The following TANC2 variants were observed in gnomAD, a reference collection of about 807,000 sequenced individuals.
TANC2 encodes the protein tetratricopeptide repeat, ankyrin repeat and coiled-coil containing 2.
TANC2 carries 26 observed loss-of-function variants against 210.5 expected under a neutral mutation model. The observed-to-expected ratio is 0.12, with a 90% confidence interval of 0.09 to 0.17. The LOEUF is 0.17. TANC2 is among the 10% of genes least tolerant of loss of function. The pLI is 1.00. For missense variants in TANC2, 2,129 were observed against 2,608.9 expected, an observed-to-expected ratio of 0.82 and a Z score of 4.01; for synonymous variants, 931 against 967.1, an observed-to-expected ratio of 0.96 and a Z score of 0.69.
chr17:63,372,504 C>G (rs2047299668), intron 14 of TANC2, among the ~76,000 whole-genome samples: 1 of 152,054 alleles, frequency 6.6e-6, no homozygotes, highest in African/African-American at 2.4e-5. Context: ...ACTGGTCATT[C>G]CTTTAGTTTA....
intron 17 of TANC2, among the ~76,000 whole-genome samples, chr17:63,394,275 C>A (rs1331625137): frequency 6.6e-6 from 1 of 152,110 alleles, no homozygotes; most frequent in South Asian, 2.1e-4. Flanking sequence ...CATTATTATT[C>A]ATTTTCATTG....
At chr17:63,309,564 A>T (rs1171267139) in intron 9 of TANC2, among the ~76,000 whole-genome samples, 1 of 152,194 alleles carries the variant, frequency 6.6e-6, no homozygotes, top group Non-Finnish European at 1.5e-5. Flanking sequence ...ATCTGCTAAG[A>T]TGAAATAATT....
At chr17:63,003,809 A>G (rs918157798) in intron 1 of TANC2, among the ~76,000 whole-genome samples, 1 of 152,046 alleles carries the variant, frequency 6.6e-6, no homozygotes, top group African/African-American at 2.4e-5. Flanking sequence ...CTCCAAATAT[A>G]TGTTTTTTTA....
chr17:63,107,952 A>G (rs1167960499), intron 4 of TANC2, among the ~76,000 whole-genome samples: 1 of 151,766 alleles, frequency 6.6e-6, no homozygotes, highest in Non-Finnish European at 1.5e-5. Context: ...TTGTACTTAT[A>G]TCTCAATAAG....
intron 7 of TANC2, among the ~76,000 whole-genome samples, chr17:63,202,439 A>G (rs1198301610): frequency 6.6e-6 from 1 of 152,164 alleles, no homozygotes; most frequent in African/African-American, 2.4e-5. Flanking sequence ...TGTAGAATAA[A>G]GAAGAGGAAA....
chr17:63,045,333 C>G (rs1206565692), intron 2 of TANC2, among the ~76,000 whole-genome samples: 1 of 152,180 alleles, frequency 6.6e-6, no homozygotes, highest in Non-Finnish European at 1.5e-5. Context: ...CAGGTATCTT[C>G]TGTCAGTCTG....
intron 7 of TANC2, among the ~76,000 whole-genome samples, chr17:63,207,840 C>T (rs909005123): frequency 6.6e-6 from 1 of 152,186 alleles, no homozygotes; most frequent in Non-Finnish European, 1.5e-5. Flanking sequence ...TATACTGCCA[C>T]TAGCAATATA....
At chr17:63,370,708 G>A (rs991690931) in intron 14 of TANC2, among the ~76,000 whole-genome samples, 3 of 152,196 alleles carry the variant, frequency 2.0e-5, no homozygotes, top group Non-Finnish European at 4.4e-5. Flanking sequence ...CAGAGACGCA[G>A]GCCAATGGGG....
rs376323478 is a variant in TANC2, at chr17:63,355,400, A to G, written c.2582+10A>G. 3.0e-5 allele frequency: 46 copies of G among 1,543,760 alleles called. No homozygotes were observed. The highest frequency in any genetic ancestry group is 3.7e-5 in the Non-Finnish European group (43 of 1,153,182). ...TTCTCTGTGATCCGAGGTAAGACATATATCTGTGATAAACAATTCTGAGTC... is the reference window on the plus strand; with the variant it reads ...TTCTCTGTGATCCGAGGTAAGACATGTATCTGTGATAAACAATTCTGAGTC... On this transcript the variant is annotated intron_variant, in intron 14 of 27. Transcript: ENST00000689528.
chr17:63,035,357 T>G (rs1200539356), intron 2 of TANC2, among the ~76,000 whole-genome samples: 1 of 152,238 alleles, frequency 6.6e-6, no homozygotes. Flanking sequence ...TTGTCTGCAC[T>G]GGGCAAACAA....
chr17:63,151,438 C>G (rs1029949017), intron 5 of TANC2, 58 bp downstream of exon 5: 3 of 843,532 alleles, frequency 3.6e-6, no homozygotes, highest in Middle Eastern at 6.0e-4. Flanking sequence ...CAGGCCCATC[C>G]AGCAGAGCAG....
chr17:63,249,982 G>A (rs545922184), intron 8 of TANC2, among the ~76,000 whole-genome samples: 1 of 152,188 alleles, frequency 6.6e-6, no homozygotes, highest in South Asian at 2.1e-4. Flanking sequence ...GATTTCTTCT[G>A]CCCACTTGTA....
chr17:63,330,444 TA>T (rs897776325), intron 11 of TANC2, among the ~76,000 whole-genome samples: 33 of 150,964 alleles, frequency 2.2e-4, no homozygotes, highest in East Asian at 5.8e-4. Context: ...GACTTTATTT[TA>T]AAAAAAAAAT....
At chr17:63,228,962 T>C (rs548500833) in intron 7 of TANC2, among the ~76,000 whole-genome samples, 1 of 152,328 alleles carries the variant, frequency 6.6e-6, no homozygotes, top group East Asian at 1.9e-4. Flanking sequence ...CTTCCAATAC[T>C]ATGTTGAATA....
chr17:63,353,210 G>C (rs939675487), intron 13 of TANC2, among the ~76,000 whole-genome samples: 2 of 152,164 alleles, frequency 1.3e-5, no homozygotes, highest in African/African-American at 4.8e-5. Context: ...ATGTGAAATG[G>C]TCATATTTCG....
At chr17:63,399,021 A>C (rs2147233528) in intron 19 of TANC2, 107 bp downstream of exon 19, 1 of 758,896 alleles carries the variant, frequency 1.3e-6, no homozygotes. Context: ...CTTCTGTCTC[A>C]GGCTTTTGTA....
At chr17:63,164,475 A>G (rs947681899) in intron 5 of TANC2, among the ~76,000 whole-genome samples, 3 of 152,216 alleles carry the variant, frequency 2.0e-5, no homozygotes, top group African/African-American at 7.2e-5. Flanking sequence ...TAAGTTTTAA[A>G]TGAAGCAGTG....
At chr17:63,145,985 A>G (rs746996772) in intron 4 of TANC2, among the ~76,000 whole-genome samples, 4 of 152,166 alleles carry the variant, frequency 2.6e-5, no homozygotes, top group Non-Finnish European at 4.4e-5. Context: ...CATTGAATCT[A>G]TAGATCACTT....
At chr17:63,406,018 C>A in intron 20 of TANC2, 136 bp from the exon 21 acceptor site, 2 of 1,110,046 alleles carry the variant, frequency 1.8e-6, no homozygotes, top group Non-Finnish European at 2.6e-6. Flanking sequence ...TATACAGGTA[C>A]TTATGGGGGA....
Sources: gnomAD v4.1 joint callset for allele counts (sites outside exome capture counted in the v4.1 genomes callset) on GRCh38, gnomAD v4.1.1 for gene constraint, MANE v1.5 for transcripts, NCBI Gene and HGNC (gene_info 2026-07-23, HGNC 2026-07-21) for gene names.